Variants in NCAPG2 observed in about 807,000 individuals in gnomAD.
The protein encoded by NCAPG2 is non-SMC condensin II complex subunit G2.
A neutral mutation model predicts 141.1 loss-of-function variants in NCAPG2; 53 were observed. That is an observed-to-expected ratio of 0.38 (90% CI 0.30 to 0.47). The LOEUF is 0.47. Among genes scored for constraint, NCAPG2 ranks in the 20% least tolerant of loss-of-function variants. The probability of loss-of-function intolerance (pLI) is 0.99; values close to 1 mark genes in which losing one functional copy is unlikely to be tolerated. For synonymous variants in NCAPG2, 499 were observed against 490.7 expected (o/e 1.02, Z -0.22); for missense variants, 1,087 against 1,389.0 (o/e 0.78, Z 3.46).
chr7:158,681,719 T>C (rs1834464882), intron 9 of NCAPG2, among the ~76,000 whole-genome samples: 1 of 152,192 alleles, frequency 6.6e-6, no homozygotes, highest in African/African-American at 2.4e-5. Context: ...TACACTTGCT[T>C]CATAGAAAAA....
In NCAPG2 at chr7:158,654,590, T is replaced by A. The variant is rs201241436; in HGVS notation, c.2746+5A>T. 1.9e-6 allele frequency: 3 copies of A among 1,613,500 alleles called. No individual in the cohort carries two copies. The African/African-American group carries it at 4.0e-5, about 22-fold the overall frequency. On this transcript the variant is annotated splice_donor_5th_base_variant and intron_variant, in intron 22 of 27. Coordinates refer to ENST00000356309, the MANE Select transcript of NCAPG2 (RefSeq NM_017760.7). ...TTTATTGCTCTAAAACAGCCCTGACTGTACCTGTTTGCATGATTCCAAGAC... is the reference window on the plus strand; with the variant it reads ...TTTATTGCTCTAAAACAGCCCTGACAGTACCTGTTTGCATGATTCCAAGAC...
At chr7:158,635,164 T>C (rs1312937700) in intron 27 of NCAPG2, among the ~76,000 whole-genome samples, 2 of 152,192 alleles carry the variant, frequency 1.3e-5, no homozygotes, top group Non-Finnish European at 2.9e-5. Flanking sequence ...GTTTTACACA[T>C]GAATACTTTT....
At chr7:158,638,082 T>G (rs1362132605) in intron 27 of NCAPG2, among the ~76,000 whole-genome samples, 1 of 152,046 alleles carries the variant, frequency 6.6e-6, no homozygotes, top group Non-Finnish European at 1.5e-5. Flanking sequence ...AGGCAAAGGT[T>G]GCAGTGAGCC....
intron 15 of NCAPG2, 115 bp from the exon 16 acceptor site, chr7:158,662,482 T>G: frequency 1.1e-6 from 1 of 886,308 alleles, no homozygotes. Flanking sequence ...CCGTCTTACT[T>G]TCACGTCTTC....
rs74676973 is a variant in NCAPG2 at position 158,700,999 on chromosome 7, T to C, written c.78+823A>G. 4.9e-3 allele frequency among the ~76,000 whole-genome samples: 739 copies of C among 152,300 alleles called. 43 individuals carry two copies. The East Asian group carries it at 0.11, about 24-fold the overall frequency. On this transcript the variant is annotated intron_variant, in intron 2 of 27. Transcript: ENST00000356309. The stretch of plus-strand genomic sequence containing the variant: ...AGCCCTTTCCCCTGGTATCCAGACG[T>C]GCATGTCTGACTACTGGCCATCCGC...
chr7:158,655,744 C>CT (rs1794341148), intron 19 of NCAPG2, among the ~76,000 whole-genome samples: 2 of 151,526 alleles, frequency 1.3e-5, no homozygotes, highest in Admixed American at 1.3e-4. Context: ...CCCCATCTGC[C>CT]TGGCTCCACT....
Position 158,664,656 on chromosome 7 carries a change from G to A in NCAPG2, c.1574C>T (p.Ser525Phe). Residue 525 changes from serine (S) to phenylalanine (F), a missense_variant, in exon 14 of 28, where the codon TCT (serine) becomes TTT (phenylalanine). Transcript: ENST00000356309. ...SRRLVSLIFN[S>F]FLPVNQPEEV... ...CTCCGGCTGATTCACAGGCAGGAAA[G>A]AATTAAAGATGAGGCTCACCAGGCG... 6.2e-7 allele frequency: 1 copy of A among 1,614,156 alleles called. No individual in the cohort carries two copies. The highest frequency in any genetic ancestry group is 8.5e-7 in the Non-Finnish European group (1 of 1,180,036).
chr7:158,664,702 C>G lies in NCAPG2; in HGVS notation c.1528G>C (p.Asp510His). The change falls in exon 14 of 28, where the codon GAT becomes CAT. Residue 510 changes from aspartate (D) to histidine (H), a missense_variant. Transcript: ENST00000356309. ...MEHILVRLET[D>H]SRPVSRRLVS... is the part of the protein sequence containing the mutation. The stretch of plus-strand genomic sequence containing the variant: ...AGGCGCCGAGACACAGGTCGAGAAT[C>G]AGTTTCCAGACGAACCAGAATGTGC... 6.2e-7 allele frequency: 1 copy of G among 1,614,162 alleles called. No homozygotes were observed.
At chr7:158,668,333 CT>C (rs1833410894) in intron 13 of NCAPG2, 1 of 954,224 alleles carries the variant, frequency 1.0e-6, no homozygotes, top group East Asian at 1.3e-4. Flanking sequence ...TCCGCCCTCC[CT>C]TACCCACAAC....
At chr7:158,668,920 C>T (rs1169137194) in intron 13 of NCAPG2, among the ~76,000 whole-genome samples, 2 of 152,154 alleles carry the variant, frequency 1.3e-5, no homozygotes, top group Admixed American at 1.3e-4. Flanking sequence ...CTCCCTTCTC[C>T]TACCCTCCAC....
At chr7:158,700,042 G>A (rs1266803505) in intron 2 of NCAPG2, among the ~76,000 whole-genome samples, 1 of 152,130 alleles carries the variant, frequency 6.6e-6, no homozygotes, top group African/African-American at 2.4e-5. Flanking sequence ...AGATCTACCT[G>A]ATAGGCCCCA....
At chr7:158,641,242 G>C in intron 27 of NCAPG2, 1 of 356,744 alleles carries the variant, frequency 2.8e-6, no homozygotes, top group Non-Finnish European at 5.0e-6. Flanking sequence ...AATAACAAGG[G>C]GAACAAATAG....
intron 21 of NCAPG2, 158 bp from the exon 22 acceptor site, chr7:158,654,852 CTTGTTT>C: frequency 7.4e-7 from 1 of 1,345,162 alleles, no homozygotes; most frequent in Non-Finnish European, 9.7e-7. Flanking sequence ...TACATTAATT[CTTGTTT>C]TTGTAAGAAA....
chr7:158,680,354 C>T (rs4909257), intron 10 of NCAPG2, among the ~76,000 whole-genome samples: 82,683 of 151,988 alleles, frequency 0.54, 23,060 homozygotes, highest in Non-Finnish European at 0.6. Context: ...AGGTTGTCTG[C>T]ACTGAAAGTT....
chr7:158,687,320 C>A (rs1374065899), intron 7 of NCAPG2, 28 bp downstream of exon 7: 2 of 1,522,072 alleles, frequency 1.3e-6, no homozygotes. Flanking sequence ...TAAGACAGCA[C>A]AAAATCTTCA....
At chr7:158,679,093 T>C (rs529142853) in intron 11 of NCAPG2, among the ~76,000 whole-genome samples, 2 of 152,308 alleles carry the variant, frequency 1.3e-5, no homozygotes, top group African/African-American at 2.4e-5. Context: ...TGGCCTCAAA[T>C]AGTCCTCCTA....
chr7:158,650,047 A>G (rs781603692), intron 24 of NCAPG2, among the ~76,000 whole-genome samples: 15 of 152,188 alleles, frequency 9.9e-5, no homozygotes, highest in Non-Finnish European at 2.1e-4. Context: ...GTTTAAACTG[A>G]TATTAGCTAC....
chr7:158,631,615 C>T lies in NCAPG2; in HGVS notation c.*51G>A. ...ACAATAGGAAAATACACAGGCATTT[C>T]AATTTGAATCACTTTTCCCTATTTT... On this transcript the variant is annotated 3_prime_UTR_variant, in exon 28 of 28. Coordinates refer to ENST00000356309, the MANE Select transcript of NCAPG2 (RefSeq NM_017760.7). 6.9e-7 allele frequency: 1 copy of T among 1,440,372 alleles called. No individual in the cohort carries two copies. Among genetic ancestry groups the T allele is most frequent in the Non-Finnish European group, 9.8e-7 (1 of 1,024,880 alleles). 89.2% of individuals were successfully genotyped at this position (1,440,372 alleles called of 1,614,324 possible).
At position 158,688,282 on chromosome 7, in the gene NCAPG2, T is replaced by C. The variant is rs61599522; in HGVS notation, c.673-840A>G. 4.4e-3 allele frequency among the ~76,000 whole-genome samples: 670 copies of C among 152,292 alleles called. 39 individuals are homozygous for C. The East Asian group carries it at 0.11, about 26-fold the overall frequency. Reference sequence around the variant, plus strand: ...GAAACTGACCTGACCAAATTAATGATTGATTAGGAAACTACATTTAGATAT... The same window carrying C: ...GAAACTGACCTGACCAAATTAATGACTGATTAGGAAACTACATTTAGATAT... On this transcript the variant is annotated intron_variant, in intron 6 of 27. Transcript: ENST00000356309.
Sources: gnomAD v4.1 joint callset for allele counts (sites outside exome capture counted in the v4.1 genomes callset) on GRCh38, gnomAD v4.1.1 for gene constraint, MANE v1.5 for transcripts, NCBI Gene and HGNC (gene_info 2026-07-23, HGNC 2026-07-21) for gene names.